The following ZBTB46 variants were observed in gnomAD, a reference collection of about 807,000 sequenced individuals.
ZBTB46 encodes zinc finger and BTB domain containing 46.
Under a neutral mutation model 44.1 loss-of-function variants are expected in ZBTB46, and 8 were observed. The ratio of observed to expected loss-of-function variants is 0.18; its 90% CI spans 0.11 to 0.33. The LOEUF (loss-of-function observed/expected upper bound fraction) is 0.33, where lower values mean the gene tolerates loss of function less well. Among genes scored for constraint, ZBTB46 ranks in the 10% least tolerant of loss-of-function variants. The pLI is 1.00. For synonymous variants in ZBTB46, 409 were observed against 382.3 expected, an observed-to-expected ratio of 1.07 and a Z score of -0.81; for missense variants, 651 against 847.7, an observed-to-expected ratio of 0.77 and a Z score of 2.88.
intron 4 of ZBTB46, among the ~76,000 whole-genome samples, chr20:63,749,364 T>G (rs1471654606): frequency 6.6e-6 from 1 of 152,072 alleles, no homozygotes; most frequent in African/African-American, 2.4e-5. Flanking sequence ...TGAAACAGAG[T>G]CTCGCTCTGT....
At chr20:63,788,887 G>C (rs150415590) in intron 2 of ZBTB46, among the ~76,000 whole-genome samples, 236 of 149,696 alleles carry the variant, frequency 1.6e-3, no homozygotes, top group African/African-American at 4.5e-3. Flanking sequence ...CCAGGTTGGA[G>C]TGCAATGGCG....
At chr20:63,753,730 G>A (rs942976011) in intron 3 of ZBTB46, among the ~76,000 whole-genome samples, 8 of 152,264 alleles carry the variant, frequency 5.3e-5, no homozygotes, top group African/African-American at 9.6e-5. Context: ...TCTGCATACT[G>A]TGACCACCTT....
At chr20:63,827,500 C>G (rs898889594) in intron 1 of ZBTB46, among the ~76,000 whole-genome samples, 1 of 150,790 alleles carries the variant, frequency 6.6e-6, no homozygotes, top group Non-Finnish European at 1.5e-5. Context: ...CCCAGCTACT[C>G]GGGAGGCTGA....
intron 4 of ZBTB46, among the ~76,000 whole-genome samples, chr20:63,751,594 C>T (rs1034387704): frequency 2.6e-5 from 4 of 152,078 alleles, no homozygotes; most frequent in Non-Finnish European, 4.4e-5. Flanking sequence ...CCAACAGAAC[C>T]TGACCTCTGG....
chr20:63,779,146 T>G (rs1183440171), intron 2 of ZBTB46, among the ~76,000 whole-genome samples: 1 of 152,182 alleles, frequency 6.6e-6, no homozygotes, highest in Non-Finnish European at 1.5e-5. Context: ...ACACGGGGGC[T>G]GGGGTTTCAA....
chr20:63,753,333 A>G (rs1378854865), intron 3 of ZBTB46, among the ~76,000 whole-genome samples: 2 of 152,196 alleles, frequency 1.3e-5, no homozygotes, highest in Non-Finnish European at 2.9e-5. Flanking sequence ...TGCAGGCGAA[A>G]TGGGAGATGT....
intron 4 of ZBTB46, among the ~76,000 whole-genome samples, chr20:63,747,861 G>A (rs543204576): frequency 3.9e-5 from 6 of 152,288 alleles, no homozygotes; most frequent in South Asian, 4.1e-4. Flanking sequence ...CACTTCTCAC[G>A]GGGGTCACAC....
chr20:63,772,740 CACACACACACACACACACACACACA>C (rs1568850256), intron 3 of ZBTB46, among the ~76,000 whole-genome samples: 7 of 84,050 alleles, frequency 8.3e-5, no homozygotes, highest in African/African-American at 2.6e-4. Flanking sequence ...CACACACACA[CACACACACACACACACACACACACA>C]CAGAAGTGCG....
At chr20:63,809,889 G>C (rs2092707864) in intron 1 of ZBTB46, among the ~76,000 whole-genome samples, 1 of 152,016 alleles carries the variant, frequency 6.6e-6, no homozygotes, top group African/African-American at 2.4e-5. Context: ...CTTGAGTCGG[G>C]AGGTCGAGGT....
intron 1 of ZBTB46, among the ~76,000 whole-genome samples, chr20:63,820,260 A>G (rs1435277922): frequency 1.3e-5 from 2 of 151,386 alleles, no homozygotes; most frequent in Admixed American, 6.6e-5. Context: ...CACCCAGCTA[A>G]TTTTGTTTTT....
rs2092090381 is a variant in ZBTB46, at chr20:63,746,479, G to C, written c.*451C>G. 6.2e-6 allele frequency: 1 copy of C among 161,394 alleles called. No homozygotes were observed. The highest frequency in any genetic ancestry group is 1.8e-4 in the East Asian group (1 of 5,532). 10.0% of individuals were successfully genotyped at this position (161,394 alleles called of 1,614,324 possible). A position where few individuals can be genotyped will look rare whatever the true frequency, so the allele number is the denominator to read the frequency against. On this transcript the variant is annotated 3_prime_UTR_variant, in exon 5 of 5. Coordinates refer to ENST00000245663, the MANE Select transcript of ZBTB46 (RefSeq NM_001369741.1). ...GGCAGTGACCTGGCTGCTAGGGGAG[G>C]GGAGGGCGGGCTCCAGCCGGGCTGA...
intron 1 of ZBTB46, among the ~76,000 whole-genome samples, chr20:63,792,151 A>G (rs927442901): frequency 5.9e-5 from 9 of 152,120 alleles, no homozygotes; most frequent in Admixed American, 5.9e-4. Context: ...TCATATCCAC[A>G]GTGACCCTGT....
chr20:63,804,736 A>T (rs554413854), intron 1 of ZBTB46, among the ~76,000 whole-genome samples: 18 of 151,872 alleles, frequency 1.2e-4, no homozygotes, highest in African/African-American at 2.9e-4. Context: ...TACCAAAATT[A>T]AAAAAATTAG....
At chr20:63,813,890 C>T (rs748966162) in intron 1 of ZBTB46, among the ~76,000 whole-genome samples, 24 of 152,140 alleles carry the variant, frequency 1.6e-4, no homozygotes, top group Non-Finnish European at 3.1e-4. Context: ...CCACACACAA[C>T]GAAGCACCGA....
intron 3 of ZBTB46, among the ~76,000 whole-genome samples, chr20:63,753,440 C>T (rs761422675): frequency 2.0e-5 from 3 of 152,242 alleles, no homozygotes; most frequent in Non-Finnish European, 4.4e-5. Context: ...TGAGACCCAA[C>T]GTCACTCAGT....
intron 1 of ZBTB46, among the ~76,000 whole-genome samples, chr20:63,830,543 C>A (rs1015132404): frequency 1.3e-5 from 2 of 150,418 alleles, no homozygotes; most frequent in African/African-American, 4.9e-5. Flanking sequence ...GCGCCGGGAC[C>A]CGCCCGCGCC....
chr20:63,747,215 G>A lies in ZBTB46; in HGVS notation c.1485C>T (p.Ser495=), dbSNP rs748793213. The part of the protein sequence containing the change: ...SAASVGIRHG[S]RRHGVCTDCA... The stretch of plus-strand genomic sequence containing the variant: ...AGTCGGTGCACACACCGTGGCGCCT[G>A]GAGCCATGCCTGATGCCCACGCTGG... The change falls in exon 5 of 5, where the codon TCC becomes TCT. Residue 495 remains serine (S), a synonymous_variant. Transcript: ENST00000245663. The A allele has an allele frequency of 3.1e-6, 5 of 1,602,092 alleles. No homozygotes were observed. Among genetic ancestry groups the A allele is most frequent in the Non-Finnish European group, 4.3e-6 (5 of 1,174,712 alleles).
At chr20:63,776,731 G>A (rs941973092) in intron 2 of ZBTB46, among the ~76,000 whole-genome samples, 11 of 148,992 alleles carry the variant, frequency 7.4e-5, no homozygotes, top group Non-Finnish European at 1.6e-4. Context: ...TTGAACCCAG[G>A]AGGTGGAGGT....
intron 1 of ZBTB46, among the ~76,000 whole-genome samples, chr20:63,817,684 CCAGCCTGGG>C (rs1476227863): frequency 6.6e-6 from 1 of 150,870 alleles, no homozygotes; most frequent in East Asian, 1.9e-4. Flanking sequence ...CCACTACACT[CCAGCCTGGG>C]CAGCAGAGTG....
Sources: gnomAD v4.1 joint callset for allele counts (sites outside exome capture counted in the v4.1 genomes callset) on GRCh38, gnomAD v4.1.1 for gene constraint, MANE v1.5 for transcripts, NCBI Gene and HGNC (gene_info 2026-07-23, HGNC 2026-07-21) for gene names.